Variants in SPDYE5 observed in about 807,000 individuals in gnomAD.
The protein encoded by SPDYE5 is speedy/RINGO cell cycle regulator family member E5.
SPDYE5 carries 15 observed loss-of-function variants against 48.5 expected under a neutral mutation model. That is an observed-to-expected ratio of 0.31 (90% CI 0.21 to 0.48). SPDYE5 has a LOEUF of 0.48. Ranked by LOEUF, SPDYE5 falls within the 20% of genes least tolerant of loss-of-function variation. SPDYE5 has a pLI of 0.99. For synonymous variants in SPDYE5, 116 were observed against 200.7 expected, an observed-to-expected ratio of 0.58 and a Z score of 3.57; for missense variants, 331 against 549.1, an observed-to-expected ratio of 0.60 and a Z score of 3.97.
At chr7:75,496,533 G>T in intron 3 of SPDYE5, 141 bp from the exon 4 acceptor site, 2 of 1,168,232 alleles carry the variant, frequency 1.7e-6, no homozygotes, top group Non-Finnish European at 2.5e-6. Context: ...CAGCAGAGGA[G>T]ACAGACAGAA....
chr7:75,493,635 C>T lies in SPDYE5; in HGVS notation c.-413C>T. On this transcript the variant is annotated 5_prime_UTR_variant, in exon 2 of 9. Transcript: ENST00000625065. Reference sequence around the variant, plus strand: ...GTTCCCTCTCCCACCAGACTGGACTCTGAAATGGGCATGTACAGAGACAAA... The same window carrying T: ...GTTCCCTCTCCCACCAGACTGGACTTTGAAATGGGCATGTACAGAGACAAA... 1.1e-5 allele frequency: 14 copies of T among 1,292,002 alleles called. No individual in the cohort carries two copies. Among genetic ancestry groups the T allele is most frequent in the Non-Finnish European group, 1.1e-5 (11 of 1,025,510 alleles). 80.0% of individuals were successfully genotyped at this position (1,292,002 alleles called of 1,614,324 possible).
chr7:75,500,907 C>T (rs1361569607), intron 6 of SPDYE5, among the ~76,000 whole-genome samples: 3 of 152,072 alleles, frequency 2.0e-5, no homozygotes, highest in African/African-American at 4.8e-5. Flanking sequence ...GGGGTTTCTC[C>T]GTGTTGACCA....
chr7:75,492,460 G>C lies in SPDYE5; in HGVS notation c.-422+19G>C, dbSNP rs1398182335. On this transcript the variant is annotated intron_variant, in intron 1 of 8. Transcript: ENST00000625065. Reference sequence around the variant, plus strand: ...CTCGCAGGTTCTTTATTTTTTTTGAGATGGAGTTTTGCTCGTTGCCCAGAC... The same window carrying C: ...CTCGCAGGTTCTTTATTTTTTTTGACATGGAGTTTTGCTCGTTGCCCAGAC... 5.3e-5 allele frequency among the ~76,000 whole-genome samples: 8 copies of C among 152,150 alleles called. No individual in the cohort carries two copies. The highest frequency in any genetic ancestry group is 1.9e-4 in the African/African-American group (8 of 41,432).
chr7:75,499,774 A>C (rs1425996322), intron 6 of SPDYE5, among the ~76,000 whole-genome samples: 5 of 141,938 alleles, frequency 3.5e-5, no homozygotes, highest in Non-Finnish European at 6.1e-5. Flanking sequence ...CTCAAAAAAA[A>C]AAAAAAAAAA....
rs2116611396 is a variant in SPDYE5, at chr7:75,498,007, T to A, written c.669+11T>A. On this transcript the variant is annotated intron_variant, in intron 5 of 8. Coordinates refer to ENST00000625065, the MANE Select transcript of SPDYE5 (RefSeq NM_001306141.4). ...AGGGTGTCGGACAAGGTAAGGTTGT[T>A]CTCCATGTAACTGTTCCTGTTCCAA... 6.3e-7 allele frequency: 1 copy of A among 1,596,592 alleles called. No homozygotes were observed. Among genetic ancestry groups the A allele is most frequent in the South Asian group, 1.1e-5 (1 of 90,920 alleles).
At chr7:75,498,867 CCA>C (rs1554483008) in intron 5 of SPDYE5, among the ~76,000 whole-genome samples, 2 of 151,934 alleles carry the variant, frequency 1.3e-5, no homozygotes, top group East Asian at 2.0e-4. Flanking sequence ...GAGCTCTGGG[CCA>C]CAGTCTGGCC....
chr7:75,495,596 G>A (rs1415685165), intron 3 of SPDYE5, among the ~76,000 whole-genome samples: 2 of 152,238 alleles, frequency 1.3e-5, no homozygotes, highest in Admixed American at 6.5e-5. Context: ...GCTTGGTTTC[G>A]GGCCAGGTGC....
In SPDYE5 at chr7:75,495,340, C is replaced by T. The variant is rs1554482375; in HGVS notation, c.345C>T (p.Leu115=). 1.3e-6 allele frequency: 2 copies of T among 1,597,580 alleles called. No individual in the cohort carries two copies. Among genetic ancestry groups the T allele is most frequent in the Admixed American group, 1.7e-5 (1 of 59,966 alleles). The part of the protein sequence containing the change: ...KLKQQRVSPI[L]PEHHKGFNSQ... ...AGCAACAGCGAGTGTCACCCATCCT[C>T]CCTGAGCACCACAAGGGCTTCAACA... Residue 115 remains leucine (L), a synonymous_variant, in exon 3 of 9, where the codon CTC becomes CTT. Coordinates refer to ENST00000625065, the MANE Select transcript of SPDYE5 (RefSeq NM_001306141.4).
Position 75,494,138 on chromosome 7 carries a change from A to T in SPDYE5, c.91A>T (p.Ser31Cys). Reference protein sequence around the residue: ...SRQPQPQNEQSPQRSTSGYPL... With the variant: ...SRQPQPQNEQCPQRSTSGYPL... ...TCAACCGCAACCCCAGAATGAGCAG[A>T]GTCCCCAGCGGAGCACCTCGGGGTA... Residue 31 changes from serine to cysteine, a missense_variant, in exon 2 of 9, where the codon AGT (serine) becomes TGT (cysteine). Physicochemically the swap from Ser to Cys is moderately radical, Grantham distance 112. Coordinates refer to ENST00000625065, the MANE Select transcript of SPDYE5 (RefSeq NM_001306141.4). The T allele has an allele frequency of 6.5e-7, 1 of 1,535,448 alleles. No homozygotes were observed. Among genetic ancestry groups the T allele is most frequent in the Non-Finnish European group, 8.7e-7 (1 of 1,146,872 alleles).
rs1293111303 is a variant in SPDYE5, at chr7:75,501,482, C to T, written c.876C>T (p.Gly292=). The T allele has an allele frequency of 2.7e-6, 4 of 1,495,120 alleles. No homozygotes were observed. The highest frequency in any genetic ancestry group is 3.6e-6 in the Non-Finnish European group (4 of 1,114,366). The allele number at this position is 1,495,120 out of a possible 1,614,324, so 92.6% of individuals were successfully genotyped here. A position where few individuals can be genotyped will look rare whatever the true frequency, so the allele number is the denominator to read the frequency against. ...PLLRKRWFQL[G]RSMNPRARKK... ...TCCGTAAGCGTTGGTTCCAGTTAGG[C>T]CGTTCCATGAACCCGAGGGCCAGGA... The change falls in exon 7 of 9, where the codon GGC becomes GGT. Residue 292 remains glycine, a synonymous_variant. Transcript: ENST00000625065.
chr7:75,502,149 A>G (rs1554483700), intron 8 of SPDYE5, among the ~76,000 whole-genome samples, 167 bp downstream of exon 8: 1 of 151,922 alleles, frequency 6.6e-6, no homozygotes, highest in African/African-American at 2.4e-5. Context: ...TCTACTCCCA[A>G]CTACTCAGGA....
At position 75,503,698 on chromosome 7, in the gene SPDYE5, A is replaced by G. The variant is rs1258592328; in HGVS notation, c.*911A>G. 2.0e-5 allele frequency: 3 copies of G among 150,144 alleles called. No individual in the cohort carries two copies. Among genetic ancestry groups the G allele is most frequent in the Non-Finnish European group, 3.0e-5 (2 of 67,468 alleles). 9.3% of individuals were successfully genotyped at this position (150,144 alleles called of 1,614,324 possible). ...TTTTTAACATGTCTCAGATATATAT[A>G]CTAACACGTCTAATATATACTATCT... On this transcript the variant is annotated 3_prime_UTR_variant, in exon 9 of 9. Coordinates refer to ENST00000625065, the MANE Select transcript of SPDYE5 (RefSeq NM_001306141.4).
At position 75,504,203 on chromosome 7, in the gene SPDYE5, G is replaced by C. The variant is rs1241771001; in HGVS notation, c.*1416G>C. 1 of 152,010 alleles carries C rather than the reference G, an allele frequency of 6.6e-6. No homozygotes were observed. Among genetic ancestry groups the C allele is most frequent in the Non-Finnish European group, 1.5e-5 (1 of 68,014 alleles). 9.4% of individuals were successfully genotyped at this position (152,010 alleles called of 1,614,324 possible). A position where few individuals can be genotyped will look rare whatever the true frequency, so the allele number is the denominator to read the frequency against. On this transcript the variant is annotated 3_prime_UTR_variant, in exon 9 of 9. Transcript: ENST00000625065. Reference sequence around the variant, plus strand: ...GCATGTTTGTATGTTACTTTAAAGAGGATGTGTGTTCTAAAGGAGGACATG... The same window carrying C: ...GCATGTTTGTATGTTACTTTAAAGACGATGTGTGTTCTAAAGGAGGACATG...
chr7:75,492,267 C>T (rs1456751180), upstream of SPDYE5, among the ~76,000 whole-genome samples: 3 of 152,150 alleles, frequency 2.0e-5, no homozygotes, highest in Admixed American at 6.5e-5. Context: ...CCAGCTCTGA[C>T]GGTTTAAAGC....
intron 6 of SPDYE5, 71 bp from the exon 7 acceptor site, chr7:75,501,291 T>C: frequency 6.2e-7 from 1 of 1,607,316 alleles, no homozygotes; most frequent in Non-Finnish European, 8.5e-7. Context: ...CCTTCCTCTC[T>C]GGGAAGCTGA....
At chr7:75,497,531 T>A (rs1423298150) in intron 4 of SPDYE5, among the ~76,000 whole-genome samples, 3 of 149,726 alleles carry the variant, frequency 2.0e-5, no homozygotes, top group East Asian at 1.9e-4. Context: ...TGAAACTTAA[T>A]GTCTCTTACT....
At chr7:75,493,259 C>T (rs1205263836) in intron 1 of SPDYE5, among the ~76,000 whole-genome samples, 1 of 151,356 alleles carries the variant, frequency 6.6e-6, no homozygotes, top group African/African-American at 2.4e-5. Flanking sequence ...CTTAGGTAAT[C>T]CATGGATTCC....
chr7:75,497,163 T>G (rs1286282060), intron 4 of SPDYE5, among the ~76,000 whole-genome samples: 1 of 151,932 alleles, frequency 6.6e-6, no homozygotes, highest in Non-Finnish European at 1.5e-5. Flanking sequence ...TCCCAGCATG[T>G]TGGGAGGCTG....
chr7:75,496,636 G>A (rs1554482602), intron 3 of SPDYE5, 38 bp from the exon 4 acceptor site: 1 of 1,597,360 alleles, frequency 6.3e-7, no homozygotes, highest in African/African-American at 1.3e-5. Flanking sequence ...GTGATCAACT[G>A]CAGAAGCATT....
Sources: gnomAD v4.1 joint callset for allele counts (sites outside exome capture counted in the v4.1 genomes callset) on GRCh38, gnomAD v4.1.1 for gene constraint, MANE v1.5 for transcripts, NCBI Gene and HGNC (gene_info 2026-07-23, HGNC 2026-07-21) for gene names.